Variants in TSNARE1 observed in about 807,000 individuals in gnomAD.
The protein encoded by TSNARE1 is t-SNARE domain-containing protein 1.
In TSNARE1, 49 loss-of-function variants were observed where a neutral mutation model predicts 62.0. That is an observed-to-expected ratio of 0.79 (90% CI 0.63 to 1.00). TSNARE1 has a LOEUF of 1.00. Ranked by LOEUF, TSNARE1 falls within the 50% of genes least tolerant of loss-of-function variation. The pLI, the probability that TSNARE1 is intolerant of heterozygous loss-of-function variation, is 0.00. For missense variants in TSNARE1, 755 were observed against 700.1 expected (o/e 1.08, Z -0.88); for synonymous variants, 328 against 294.4 (o/e 1.11, Z -1.17).
At chr8:142,270,256 A>G in intron 12 of TSNARE1, 1 of 985,378 alleles carries the variant, frequency 1.0e-6, no homozygotes, top group African/African-American at 1.7e-5. Flanking sequence ...TAATGGAGGA[A>G]GAAGGATCTG....
intron 11 of TSNARE1, chr8:142,276,460 C>A: frequency 1.0e-6 from 1 of 985,480 alleles, no homozygotes. Flanking sequence ...TGCAAAGGAG[C>A]CACCTTACAC....
chr8:142,277,583 C>T (rs1820716065), intron 11 of TSNARE1: 1 of 985,346 alleles, frequency 1.0e-6, no homozygotes, highest in Non-Finnish European at 1.2e-6. Context: ...CTACTTCCTG[C>T]CTCTGCGCCC....
chr8:142,276,089 T>G (rs1586952908), intron 11 of TSNARE1: 1 of 985,270 alleles, frequency 1.0e-6, no homozygotes, highest in Non-Finnish European at 1.2e-6. Context: ...AGGGCCCTAG[T>G]GGAGCCGCAG....
chr8:142,325,272 C>T (rs560791670), intron 6 of TSNARE1, among the ~76,000 whole-genome samples: 2 of 152,102 alleles, frequency 1.3e-5, no homozygotes, highest in Admixed American at 6.5e-5. Context: ...TCATGCTGGG[C>T]GGACCTGAAA....
At chr8:142,263,895 C>T (rs1323169382) in intron 12 of TSNARE1, among the ~76,000 whole-genome samples, 2 of 152,132 alleles carry the variant, frequency 1.3e-5, no homozygotes, top group African/African-American at 2.4e-5. Flanking sequence ...CTTTGTAGCG[C>T]CTTCCATTAA....
chr8:142,380,155 G>A (rs1836630045), intron 1 of TSNARE1, among the ~76,000 whole-genome samples: 3 of 152,218 alleles, frequency 2.0e-5, no homozygotes, highest in Admixed American at 2.0e-4. Flanking sequence ...ACTGTCCTAA[G>A]CACTGAACTC....
At chr8:142,286,748 G>A (rs1398719133) in intron 10 of TSNARE1, among the ~76,000 whole-genome samples, 1 of 152,124 alleles carries the variant, frequency 6.6e-6, no homozygotes, top group African/African-American at 2.4e-5. Context: ...CCACCTCCAC[G>A]GGCTTCCCAG....
intron 2 of TSNARE1, among the ~76,000 whole-genome samples, chr8:142,349,321 T>A (rs959409776): frequency 1.3e-5 from 2 of 152,100 alleles, no homozygotes; most frequent in Non-Finnish European, 2.9e-5. Context: ...TGAAAAAAAA[T>A]TTAAAATACT....
intron 1 of TSNARE1, among the ~76,000 whole-genome samples, chr8:142,366,681 A>T (rs2130959969): frequency 6.6e-6 from 1 of 152,354 alleles, no homozygotes; most frequent in East Asian, 1.9e-4. Flanking sequence ...TTATTTAATA[A>T]ATCACACTAG....
chr8:142,270,335 G>A, intron 12 of TSNARE1: 2 of 985,444 alleles, frequency 2.0e-6, no homozygotes, highest in African/African-American at 1.7e-5. Flanking sequence ...CGCCCGAGAA[G>A]CAGGCTCCAA....
rs1838434362 is a variant in TSNARE1, at chr8:142,403,165, G to GGGCGC, written c.-102_-101insGCGCC. On this transcript the variant is annotated 5_prime_UTR_variant, in exon 1 of 14. The change abolishes the stop of an existing upstream ORF in the 5' untranslated region. Transcript: ENST00000524325. ...CACGGCGGGCGAGGCGGGCGGGGCG[G>GGGCGC]GCACCCAAACATCACGTGACGGCCC... is the stretch of plus-strand genomic sequence containing the variant. The GGGCGC allele has an allele frequency of 6.7e-6, 1 of 148,986 alleles. No individual in the cohort carries two copies. Among genetic ancestry groups the GGGCGC allele is most frequent in the African/African-American group, 2.4e-5 (1 of 41,106 alleles). 9.2% of individuals were successfully genotyped at this position (148,986 alleles called of 1,614,324 possible).
rs114520281 is a variant in TSNARE1, at chr8:142,280,798, G to A, written c.1363+3615C>T. Among the ~76,000 whole-genome samples, 6 of 152,286 alleles carry A rather than the reference G, an allele frequency of 3.9e-5. No homozygotes were observed. In the East Asian group the frequency reaches 7.8e-4, roughly 20 times the overall value. On this transcript the variant is annotated intron_variant, in intron 11 of 13. Transcript: ENST00000524325. ...TCTGGAAGCTGACAGTGGGGAGAAG[G>A]GGGGAGGACAGAGCGATAGGAGGGG...
At chr8:142,337,665 C>CAGG (rs1466803350) in intron 4 of TSNARE1, among the ~76,000 whole-genome samples, 1 of 152,238 alleles carries the variant, frequency 6.6e-6, no homozygotes, top group East Asian at 1.9e-4. Context: ...GGTTACGAGG[C>CAGG]AGGGGCTGCC....
intron 6 of TSNARE1, among the ~76,000 whole-genome samples, chr8:142,328,822 G>A (rs1042559503): frequency 7.9e-6 from 1 of 125,938 alleles, no homozygotes; most frequent in East Asian, 2.5e-4. Flanking sequence ...GGCCTTTGGG[G>A]GGGGGGAGGG....
At chr8:142,304,278 A>G (rs942845614) in intron 9 of TSNARE1, among the ~76,000 whole-genome samples, 1 of 152,014 alleles carries the variant, frequency 6.6e-6, no homozygotes, top group African/African-American at 2.4e-5. Flanking sequence ...AGCAACCCCA[A>G]CGCCTCCTTC....
chr8:142,278,512 C>T, intron 11 of TSNARE1: 3 of 985,450 alleles, frequency 3.0e-6, no homozygotes, highest in Non-Finnish European at 3.6e-6. Context: ...GGTGTGCCAC[C>T]ATATGCGGAG....
chr8:142,265,661 G>A (rs2130434099), intron 12 of TSNARE1, among the ~76,000 whole-genome samples: 1 of 152,340 alleles, frequency 6.6e-6, no homozygotes, highest in East Asian at 1.9e-4. Flanking sequence ...ACATGTTGAA[G>A]AAACTACAAA....
intron 12 of TSNARE1, chr8:142,247,524 GGGTGGGGGCAATTGGCCTCA>G (rs935275364): frequency 1.3e-5 from 2 of 152,304 alleles, no homozygotes; most frequent in African/African-American, 4.8e-5. Context: ...TCATAGTGGG[GGGTGGGGGCAATTGGCCTCA>G]GGACAAAACA....
chr8:142,254,605 A>C (rs1198483177), intron 12 of TSNARE1, among the ~76,000 whole-genome samples: 1 of 152,090 alleles, frequency 6.6e-6, no homozygotes, highest in Non-Finnish European at 1.5e-5. Flanking sequence ...ACCCCCTGGC[A>C]GAACACGCTT....
Sources: gnomAD v4.1 joint callset for allele counts (sites outside exome capture counted in the v4.1 genomes callset) on GRCh38, gnomAD v4.1.1 for gene constraint, MANE v1.5 for transcripts, NCBI Gene and HGNC (gene_info 2026-07-23, HGNC 2026-07-21) for gene names.